The following WWP1 variants were observed in gnomAD, a reference collection of about 807,000 sequenced individuals.
WWP1 encodes the protein WW domain containing E3 ubiquitin protein ligase 1, also known as NEDD4-like E3 ubiquitin-protein ligase WWP1.
Under a neutral mutation model 130.6 loss-of-function variants are expected in WWP1, and 49 were observed. The observed-to-expected ratio is 0.38, with a 90% CI of 0.30 to 0.48. WWP1 has a LOEUF of 0.48. Ranked by LOEUF, WWP1 falls within the 20% of genes least tolerant of loss-of-function variation. The pLI is 0.99. For synonymous variants in WWP1, 332 were observed against 367.8 expected (o/e 0.90, Z 1.11); for missense variants, 809 against 1,100.6 (o/e 0.74, Z 3.75).
intron 5 of WWP1, among the ~76,000 whole-genome samples, chr8:86,396,345 C>T (rs1044588579): frequency 5.3e-5 from 8 of 152,088 alleles, no homozygotes; most frequent in Admixed American, 1.3e-4. Flanking sequence ...GTGATCCGCC[C>T]GCCTCGGCCT....
At chr8:86,389,622 G>A (rs1825502881) in intron 5 of WWP1, among the ~76,000 whole-genome samples, 2 of 151,916 alleles carry the variant, frequency 1.3e-5, no homozygotes, top group Admixed American at 6.6e-5. Context: ...TTTTCTATTC[G>A]ACAAAACCCC....
chr8:86,360,151 A>C (rs1439933721), intron 1 of WWP1, among the ~76,000 whole-genome samples: 3 of 151,996 alleles, frequency 2.0e-5, no homozygotes, highest in Admixed American at 2.0e-4. Flanking sequence ...TCAAAAAAAA[A>C]ACAAAAAACC....
chr8:86,448,284 T>C lies in WWP1; in HGVS notation c.2132+3T>C. On this transcript the variant is annotated splice_donor_region_variant and intron_variant, in intron 19 of 24. Coordinates refer to ENST00000517970, the MANE Select transcript of WWP1 (RefSeq NM_007013.4). ...TATAACTCCCTTATCTGGATAAGGT[T>C]TGAAGATTTTGTTTTGCAATAAGTC... The C allele has an allele frequency of 6.3e-7, 1 of 1,585,422 alleles. No individual in the cohort carries two copies. Among genetic ancestry groups the C allele is most frequent in the African/African-American group, 1.4e-5 (1 of 72,990 alleles).
At chr8:86,437,168 C>G (rs747799334) in intron 16 of WWP1, among the ~76,000 whole-genome samples, 37 of 152,308 alleles carry the variant, frequency 2.4e-4, no homozygotes, top group Non-Finnish European at 3.2e-4. Context: ...TGTGCTCCAA[C>G]CCAGACTTGC....
intron 9 of WWP1, among the ~76,000 whole-genome samples, chr8:86,414,916 G>T (rs1197804478): frequency 2.9e-5 from 3 of 104,336 alleles, no homozygotes; most frequent in Non-Finnish European, 5.2e-5. Flanking sequence ...CCTAAATAGC[G>T]ATTAGGCAAC....
At chr8:86,428,862 G>C (rs1170822824) in intron 11 of WWP1, among the ~76,000 whole-genome samples, 3 of 152,102 alleles carry the variant, frequency 2.0e-5, no homozygotes, top group African/African-American at 7.2e-5. Context: ...CTTTGTTTTT[G>C]GTTGGACTTA....
chr8:86,379,730 G>A (rs563554333), intron 3 of WWP1, among the ~76,000 whole-genome samples: 2 of 152,134 alleles, frequency 1.3e-5, no homozygotes, highest in East Asian at 1.9e-4. Context: ...ACTTCTTTTC[G>A]AAGCTAACTT....
rs1462841946 is a variant in WWP1, at chr8:86,468,296, C to T, written c.*1403C>T. On this transcript the variant is annotated 3_prime_UTR_variant, in exon 25 of 25. Coordinates refer to ENST00000517970, the MANE Select transcript of WWP1 (RefSeq NM_007013.4). Reference sequence around the variant, plus strand: ...GTTTTGCCAAAATTTTATTTTTCTACATATTGAGAGTGTGTTCTCCATTTT... The same window carrying T: ...GTTTTGCCAAAATTTTATTTTTCTATATATTGAGAGTGTGTTCTCCATTTT... The T allele has an allele frequency of 2.7e-5, 11 of 410,640 alleles. No homozygotes were observed. Among genetic ancestry groups the T allele is most frequent in the Non-Finnish European group, 4.7e-5 (10 of 213,104 alleles). The allele number at this position is 410,640 out of a possible 1,614,324, so 25.4% of individuals were successfully genotyped here.
intron 3 of WWP1, 115 bp from the exon 4 acceptor site, chr8:86,380,611 C>A: frequency 8.6e-7 from 1 of 1,157,988 alleles, no homozygotes. Context: ...CTTCATTCTG[C>A]CAACGAGAAG....
At chr8:86,380,201 A>T (rs761540893) in intron 3 of WWP1, among the ~76,000 whole-genome samples, 1 of 152,162 alleles carries the variant, frequency 6.6e-6, no homozygotes, top group African/African-American at 2.4e-5. Flanking sequence ...GCATGTTACA[A>T]TATGGATGAA....
chr8:86,452,845 A>G (rs1811247599), intron 21 of WWP1, among the ~76,000 whole-genome samples, 166 bp downstream of exon 21: 1 of 152,154 alleles, frequency 6.6e-6, no homozygotes, highest in Non-Finnish European at 1.5e-5. Flanking sequence ...ATTGGGTAAG[A>G]GTCTTAATTA....
At chr8:86,403,070 G>T (rs1376204008) in intron 8 of WWP1, among the ~76,000 whole-genome samples, 1 of 152,100 alleles carries the variant, frequency 6.6e-6, no homozygotes, top group Non-Finnish European at 1.5e-5. Flanking sequence ...GTTTTGTTTG[G>T]TCATTGTATA....
chr8:86,416,519 C>A (rs530052728), intron 9 of WWP1, among the ~76,000 whole-genome samples: 1 of 151,926 alleles, frequency 6.6e-6, no homozygotes, highest in East Asian at 1.9e-4. Flanking sequence ...GTTGCCCAGT[C>A]GTTCACCAAA....
intron 10 of WWP1, 69 bp from the exon 11 acceptor site, chr8:86,427,574 T>G (rs1809703600): frequency 6.9e-7 from 1 of 1,439,732 alleles, no homozygotes; most frequent in South Asian, 1.5e-5. Context: ...TTAAATTGAG[T>G]GAAGTAATAA....
chr8:86,361,543 A>G (rs1179296646), intron 1 of WWP1, among the ~76,000 whole-genome samples: 1 of 152,074 alleles, frequency 6.6e-6, no homozygotes. Flanking sequence ...TTTCTGCCTT[A>G]ATAGTTTTGT....
At chr8:86,420,120 G>A (rs1041482448) in intron 9 of WWP1, among the ~76,000 whole-genome samples, 2 of 152,200 alleles carry the variant, frequency 1.3e-5, no homozygotes, top group Admixed American at 6.6e-5. Context: ...AGTAAAAGAC[G>A]TTGGAGGCAG....
At chr8:86,419,662 G>A (rs1023591928) in intron 9 of WWP1, among the ~76,000 whole-genome samples, 1 of 152,132 alleles carries the variant, frequency 6.6e-6, no homozygotes, top group Non-Finnish European at 1.5e-5. Context: ...ATGGGAGGAA[G>A]TCCTTAACAA....
intron 22 of WWP1, among the ~76,000 whole-genome samples, chr8:86,460,562 CCAA>C (rs1001600730): frequency 7.2e-5 from 11 of 152,040 alleles, no homozygotes; most frequent in African/African-American, 1.4e-4. Context: ...ATATTACAAC[CCAA>C]CAACAACATC....
At chr8:86,396,802 G>C (rs1241097415) in intron 5 of WWP1, among the ~76,000 whole-genome samples, 1 of 152,054 alleles carries the variant, frequency 6.6e-6, no homozygotes, top group Non-Finnish European at 1.5e-5. Context: ...GTCTTGCTAT[G>C]TTGGCCAGGT....
Sources: allele counts gnomAD v4.1 joint callset (sites outside exome capture counted in the v4.1 genomes callset), GRCh38; gene constraint gnomAD v4.1.1; transcripts MANE v1.5; gene names NCBI Gene and HGNC (gene_info 2026-07-23, HGNC 2026-07-21).